The following CFTR variants were observed in gnomAD, a reference collection of about 807,000 sequenced individuals.
CFTR encodes the protein cystic fibrosis transmembrane conductance regulator.
A neutral mutation model predicts 171.6 loss-of-function variants in CFTR; 181 were observed. The ratio of observed to expected loss-of-function variants is 1.05; its 90% CI spans 0.93 to 1.19. The LOEUF (loss-of-function observed/expected upper bound fraction) is 1.19, where lower values mean the gene tolerates loss of function less well. CFTR is among the 50% of genes most tolerant of loss of function. The pLI is 0.00. For synonymous variants in CFTR, 583 were observed against 608.0 expected (o/e 0.96, Z 0.60); for missense variants, 1,968 against 1,734.7 (o/e 1.13, Z -2.39).
intron 24 of CFTR, among the ~76,000 whole-genome samples, chr7:117,657,360 G>T (rs1252836543): frequency 6.6e-6 from 1 of 152,116 alleles, no homozygotes; most frequent in African/African-American, 2.4e-5. Flanking sequence ...GATGATGTTA[G>T]TCTAACTTTA....
intron 3 of CFTR, among the ~76,000 whole-genome samples, chr7:117,524,225 A>G (rs1284016370): frequency 6.6e-6 from 1 of 152,208 alleles, no homozygotes; most frequent in African/African-American, 2.4e-5. Context: ...ACTGTCTTAC[A>G]GTGAACAAGA....
intron 19 of CFTR, 74 bp from the exon 20 acceptor site, chr7:117,611,507 C>A: frequency 1.1e-6 from 1 of 931,044 alleles, no homozygotes; most frequent in Non-Finnish European, 1.7e-6. Context: ...TAGTCTTTTT[C>A]AGGTACAAGA....
chr7:117,605,172 C>T (rs571166331), intron 17 of CFTR, among the ~76,000 whole-genome samples: 1 of 152,274 alleles, frequency 6.6e-6, no homozygotes, highest in South Asian at 2.1e-4. Context: ...GCTCCTCATT[C>T]CCTTTAACGC....
chr7:117,500,253 T>C (rs980122671), intron 1 of CFTR, among the ~76,000 whole-genome samples: 12 of 151,954 alleles, frequency 7.9e-5, no homozygotes, highest in Non-Finnish European at 1.5e-4. Context: ...GAGAATTCTT[T>C]GATGGGACAT....
intron 10 of CFTR, among the ~76,000 whole-genome samples, 194 bp from the exon 11 acceptor site, chr7:117,559,269 CT>C (rs1799413110): frequency 6.6e-6 from 1 of 152,126 alleles, no homozygotes; most frequent in South Asian, 2.1e-4. Flanking sequence ...GTAATTGTCT[CT>C]TTTACTTTCC....
chr7:117,503,195 C>G (rs189697406), intron 1 of CFTR, among the ~76,000 whole-genome samples: 1 of 152,258 alleles, frequency 6.6e-6, no homozygotes, highest in Admixed American at 6.5e-5. Flanking sequence ...CTAAAGCACT[C>G]CCTTTTGAAT....
At chr7:117,484,249 CA>C (rs1369066390) in intron 1 of CFTR, among the ~76,000 whole-genome samples, 1 of 152,088 alleles carries the variant, frequency 6.6e-6, no homozygotes, top group Admixed American at 6.6e-5. Context: ...TTAGGTTATC[CA>C]AATCAAAATA....
rs1792032957 is a variant in CFTR, at chr7:117,592,012, A to G, written c.1845A>G (p.Lys615=). The G allele has an allele frequency of 2.5e-6, 4 of 1,592,494 alleles. No homozygotes were observed. Among genetic ancestry groups the G allele is most frequent in the Non-Finnish European group, 3.4e-6 (4 of 1,174,410 alleles). ...TGGAACATTTAAAGAAAGCTGACAA[A>G]ATATTAATTTTGCATGAAGGTAGCA... ...SKMEHLKKAD[K]ILILHEGSSY... Residue 615 remains lysine (K), a synonymous_variant, in exon 14 of 27, where the codon AAA becomes AAG. Transcript: ENST00000003084.
intron 21 of CFTR, among the ~76,000 whole-genome samples, chr7:117,621,568 T>C (rs1792581006): frequency 1.3e-5 from 2 of 152,162 alleles, no homozygotes; most frequent in South Asian, 4.1e-4. Flanking sequence ...TATCAATCAA[T>C]GATACATACA....
chr7:117,480,093 C>T lies in CFTR; in HGVS notation c.-2C>T, dbSNP rs770363945. ...AGCAGGGACCCCAGCGCCCGAGAGA[C>T]CATGCAGAGGTCGCCTCTGGAAAAG... is the stretch of plus-strand genomic sequence containing the variant. On this transcript the variant is annotated 5_prime_UTR_variant, in exon 1 of 27. Coordinates refer to ENST00000003084, the MANE Select transcript of CFTR (RefSeq NM_000492.4). 1.9e-6 allele frequency: 3 copies of T among 1,613,802 alleles called. No homozygotes were observed. The highest frequency in any genetic ancestry group is 1.3e-5 in the African/African-American group (1 of 74,950).
intron 1 of CFTR, among the ~76,000 whole-genome samples, chr7:117,497,263 T>C (rs886950544): frequency 6.6e-6 from 1 of 152,160 alleles, no homozygotes; most frequent in Non-Finnish European, 1.5e-5. Context: ...GATGAAATAA[T>C]GTATGTGAAA....
chr7:117,649,477 T>C (rs1470762733), intron 23 of CFTR, among the ~76,000 whole-genome samples: 12 of 120,194 alleles, frequency 1.0e-4, no homozygotes, highest in Admixed American at 9.9e-4. Context: ...TCTGTACATA[T>C]ATATATAGTG....
intron 10 of CFTR, among the ~76,000 whole-genome samples, chr7:117,549,290 A>T (rs189079669): frequency 1.3e-5 from 2 of 152,300 alleles, no homozygotes; most frequent in East Asian, 3.9e-4. Flanking sequence ...ATAAGGAAAA[A>T]TTATTTAGTG....
chr7:117,491,439 G>A (rs1416420685), intron 1 of CFTR, among the ~76,000 whole-genome samples: 1 of 152,018 alleles, frequency 6.6e-6, no homozygotes, highest in Non-Finnish European at 1.5e-5. Context: ...AAATTTGGTG[G>A]CTTAAATAAC....
chr7:117,616,940 G>A (rs556731124), intron 21 of CFTR, among the ~76,000 whole-genome samples: 71 of 152,204 alleles, frequency 4.7e-4, no homozygotes, highest in African/African-American at 1.7e-3. Context: ...AACTTATACA[G>A]TAACTTTTTT....
At chr7:117,590,218 G>T in intron 12 of CFTR, 135 bp from the exon 13 acceptor site, 1 of 1,005,990 alleles carries the variant, frequency 9.9e-7, no homozygotes. Flanking sequence ...CCACTTTTGA[G>T]AATAGTGTTA....
At position 117,614,859 on chromosome 7, in the gene CFTR, G is replaced by C. The variant is rs1299270106; in HGVS notation, c.3468+146G>C. On this transcript the variant is annotated intron_variant, in intron 21 of 26. Coordinates refer to ENST00000003084, the MANE Select transcript of CFTR (RefSeq NM_000492.4). ...ATAAATTGAGGGTCACTGTGTATCT[G>C]TCATTAAATCCTTATCTCTTCTTTC... The C allele has an allele frequency of 5.7e-5, 38 of 664,602 alleles. 1 individual carries two copies. In the East Asian group the frequency reaches 1.0e-3, roughly 18 times the overall value. 41.2% of individuals were successfully genotyped at this position (664,602 alleles called of 1,614,324 possible). A position where few individuals can be genotyped will look rare whatever the true frequency, so the allele number is the denominator to read the frequency against.
chr7:117,651,606 C>A (rs941855365), intron 23 of CFTR, among the ~76,000 whole-genome samples: 1 of 152,134 alleles, frequency 6.6e-6, no homozygotes, highest in South Asian at 2.1e-4. Context: ...ATGTAGGTAC[C>A]TTTCAGGAAG....
chr7:117,522,677 T>C (rs1396152435), intron 3 of CFTR, among the ~76,000 whole-genome samples: 1 of 152,180 alleles, frequency 6.6e-6, no homozygotes, highest in Non-Finnish European at 1.5e-5. Context: ...AGGACGCTTC[T>C]TGTGTCTCTG....
Sources: gnomAD v4.1 joint callset for allele counts (sites outside exome capture counted in the v4.1 genomes callset) on GRCh38, gnomAD v4.1.1 for gene constraint, MANE v1.5 for transcripts, NCBI Gene and HGNC (gene_info 2026-07-23, HGNC 2026-07-21) for gene names.